Variants in SLC44A1 observed in about 807,000 individuals in gnomAD.
The protein encoded by SLC44A1 is solute carrier family 44 member 1.
Under a neutral mutation model 79.3 loss-of-function variants are expected in SLC44A1, and 26 were observed. The ratio of observed to expected loss-of-function variants is 0.33; its 90% CI spans 0.24 to 0.46. The LOEUF (loss-of-function observed/expected upper bound fraction) is 0.46. SLC44A1 is among the 20% of genes least tolerant of loss of function. The pLI, the probability that SLC44A1 is intolerant of heterozygous loss-of-function variation, is 1.00. For missense variants in SLC44A1, 688 were observed against 798.1 expected (o/e 0.86, Z 1.66); for synonymous variants, 263 against 286.2 (o/e 0.92, Z 0.82).
At chr9:105,437,523 C>A (rs1564063413) in intron 15 of SLC44A1, among the ~76,000 whole-genome samples, 1 of 151,808 alleles carries the variant, frequency 6.6e-6, no homozygotes, top group Non-Finnish European at 1.5e-5. Context: ...ATAGTATATA[C>A]CTAATACTTT....
intron 3 of SLC44A1, among the ~76,000 whole-genome samples, chr9:105,325,993 A>G (rs1197755393): frequency 6.6e-6 from 1 of 151,576 alleles, no homozygotes; most frequent in Admixed American, 6.5e-5. Flanking sequence ...ATTTCTCAGT[A>G]TGAGTGCTGA....
At chr9:105,385,957 T>A in intron 15 of SLC44A1, 1 of 985,436 alleles carries the variant, frequency 1.0e-6, no homozygotes, top group Non-Finnish European at 1.2e-6. Context: ...TGGTTCTGCT[T>A]ACATTGCTGT....
rs1828797549 is a variant in SLC44A1, at chr9:105,392,927, A to C, written c.*3871A>C. 1 of 985,104 alleles carries C rather than the reference A, an allele frequency of 1.0e-6. No homozygotes were observed. Among genetic ancestry groups the C allele is most frequent in the African/African-American group, 1.7e-5 (1 of 57,200 alleles). The allele number at this position is 985,104 out of a possible 1,614,324, so 61.0% of individuals were successfully genotyped here. On this transcript the variant is annotated 3_prime_UTR_variant, in exon 16 of 16. Transcript: ENST00000374720. ...TTAAGCTTTCGCTTTTCAATAAGTA[A>C]GTTCTTTACTGCTTTTCTACTGCTA... is the stretch of plus-strand genomic sequence containing the variant.
intron 5 of SLC44A1, among the ~76,000 whole-genome samples, chr9:105,351,599 A>AGGG (rs1554797109): frequency 2.0e-5 from 2 of 101,780 alleles, no homozygotes; most frequent in Non-Finnish European, 4.0e-5. Flanking sequence ...AGAGAAAGAG[A>AGGG]AAGAAAGAAA....
chr9:105,355,414 A>G (rs1827590928), intron 5 of SLC44A1, among the ~76,000 whole-genome samples: 1 of 152,226 alleles, frequency 6.6e-6, no homozygotes, highest in African/African-American at 2.4e-5. Flanking sequence ...ATAATCTTAG[A>G]TTAATAGTAA....
Position 105,333,087 on chromosome 9 carries a change from G to C in SLC44A1, c.270-2476G>C, listed in dbSNP as rs1021090766. On this transcript the variant is annotated intron_variant, in intron 3 of 15. Transcript: ENST00000374720. ...TGCCCAGTCACTAGCATAAATCAAA[G>C]GAATATGTTTTAAGGTATAAAAGAA... Among the ~76,000 whole-genome samples, 10 of 152,236 alleles carry C rather than the reference G, an allele frequency of 6.6e-5. No homozygotes were observed. In the East Asian group the frequency reaches 1.9e-3, roughly 29 times the overall value.
chr9:105,407,326 C>T (rs1292353995), intron 15 of SLC44A1, among the ~76,000 whole-genome samples: 8 of 152,034 alleles, frequency 5.3e-5, no homozygotes, highest in Admixed American at 3.3e-4. Flanking sequence ...CTAAGAAGCT[C>T]GACAAACTCC....
chr9:105,401,920 A>C (rs1446758450), downstream of SLC44A1, among the ~76,000 whole-genome samples: 1 of 152,200 alleles, frequency 6.6e-6, no homozygotes, highest in East Asian at 1.9e-4. Flanking sequence ...TTTGGAGCAC[A>C]CAGGAAGGTG....
At chr9:105,348,533 AT>A in intron 5 of SLC44A1, 82 bp downstream of exon 5, 2 of 893,848 alleles carry the variant, frequency 2.2e-6, no homozygotes, top group Non-Finnish European at 3.7e-6. Flanking sequence ...TTCTGAGAAA[AT>A]AGTCATTTGA....
intron 15 of SLC44A1, among the ~76,000 whole-genome samples, chr9:105,436,943 G>C (rs543070600): frequency 5.8e-4 from 88 of 152,282 alleles, no homozygotes; most frequent in Admixed American, 2.5e-3. Context: ...GACTTCATTT[G>C]ATATCTGAAT....
intron 5 of SLC44A1, among the ~76,000 whole-genome samples, chr9:105,349,772 C>T (rs944504592): frequency 2.0e-5 from 3 of 152,070 alleles, no homozygotes; most frequent in Non-Finnish European, 4.4e-5. Context: ...GAATCATGCT[C>T]TCAAGATTAA....
chr9:105,395,709 A>C lies in SLC44A1; in HGVS notation c.*6653A>C. The C allele has an allele frequency of 1.0e-6, 1 of 985,292 alleles. No individual in the cohort carries two copies. 61.0% of individuals were successfully genotyped at this position (985,292 alleles called of 1,614,324 possible). On this transcript the variant is annotated 3_prime_UTR_variant, in exon 16 of 16. Coordinates refer to ENST00000374720, the MANE Select transcript of SLC44A1 (RefSeq NM_080546.5). Reference sequence around the variant, plus strand: ...ATGAATCTGATCCACCCATCCTGTCAGCTAGGATTATAATTTGAACTGTCG... The same window carrying C: ...ATGAATCTGATCCACCCATCCTGTCCGCTAGGATTATAATTTGAACTGTCG...
intron 3 of SLC44A1, among the ~76,000 whole-genome samples, chr9:105,319,050 T>C (rs953771033): frequency 2.0e-5 from 3 of 152,142 alleles, no homozygotes; most frequent in African/African-American, 7.2e-5. Context: ...TTCAGGTAAT[T>C]ATTAACTGCT....
chr9:105,331,673 A>G (rs1269039471), intron 3 of SLC44A1, among the ~76,000 whole-genome samples: 2 of 152,376 alleles, frequency 1.3e-5, no homozygotes, highest in South Asian at 2.1e-4. Flanking sequence ...ACTTTTAAGC[A>G]TGTTGCCATG....
At chr9:105,271,662 G>A (rs1830080731) in intron 1 of SLC44A1, among the ~76,000 whole-genome samples, 1 of 152,060 alleles carries the variant, frequency 6.6e-6, no homozygotes, top group Non-Finnish European at 1.5e-5. Flanking sequence ...CACCCAGGCT[G>A]GAGTGCAGTG....
intron 3 of SLC44A1, among the ~76,000 whole-genome samples, chr9:105,328,481 G>A (rs572320161): frequency 3.9e-5 from 6 of 152,202 alleles, no homozygotes; most frequent in Non-Finnish European, 7.3e-5. Flanking sequence ...CAGCCCCACG[G>A]TGAGAGTGTG....
intron 1 of SLC44A1, among the ~76,000 whole-genome samples, chr9:105,279,676 G>A (rs912539126): frequency 6.6e-6 from 1 of 152,054 alleles, no homozygotes; most frequent in African/African-American, 2.4e-5. Context: ...TCTTGTACTC[G>A]ACAGTGATAC....
intron 3 of SLC44A1, among the ~76,000 whole-genome samples, chr9:105,321,684 C>G (rs1333019833): frequency 6.6e-6 from 1 of 151,882 alleles, no homozygotes; most frequent in Non-Finnish European, 1.5e-5. Context: ...AAGCAGATGC[C>G]TAACTAAAGT....
At chr9:105,254,399 T>A (rs1047743992) in intron 1 of SLC44A1, among the ~76,000 whole-genome samples, 19 of 152,104 alleles carry the variant, frequency 1.2e-4, no homozygotes, top group African/African-American at 4.3e-4. Flanking sequence ...TGCAATTGAT[T>A]TAGAGTAACC....
Sources: gnomAD v4.1 joint callset for allele counts (sites outside exome capture counted in the v4.1 genomes callset) on GRCh38, gnomAD v4.1.1 for gene constraint, MANE v1.5 for transcripts, NCBI Gene and HGNC (gene_info 2026-07-23, HGNC 2026-07-21) for gene names.